Variants in KATNIP observed in about 807,000 individuals in gnomAD.
The protein encoded by KATNIP is katanin interacting protein, also known as katanin-interacting protein.
KATNIP carries 126 observed loss-of-function variants against 174.0 expected under a neutral mutation model. That is an observed-to-expected ratio of 0.72 (90% CI 0.63 to 0.84). The LOEUF is 0.84. KATNIP is among the 40% of genes least tolerant of loss of function. The pLI is 0.00. For missense variants in KATNIP, 1,958 were observed against 2,109.7 expected (o/e 0.93, Z 1.41); for synonymous variants, 810 against 835.7 (o/e 0.97, Z 0.53).
intron 13 of KATNIP, among the ~76,000 whole-genome samples, chr16:27,712,196 C>T (rs1346815337): frequency 6.6e-6 from 1 of 152,184 alleles, no homozygotes; most frequent in Non-Finnish European, 1.5e-5. Flanking sequence ...TATTTTTTGG[C>T]CCTGCGATTG....
chr16:27,677,751 T>G lies in KATNIP; in HGVS notation c.563T>G (p.Leu188Arg), dbSNP rs773716664. 3.1e-6 allele frequency: 5 copies of G among 1,609,330 alleles called. No homozygotes were observed. The South Asian group carries it at 4.4e-5, about 14-fold the overall frequency. The change falls in exon 7 of 28, where the codon CTT becomes CGT. Residue 188 changes from leucine to arginine, a missense_variant. By Grantham distance (102) the Leu-to-Arg change is moderately radical. Coordinates refer to ENST00000261588, the MANE Select transcript of KATNIP (RefSeq NM_015202.5). ...CAGGAGCTGAGAAGAAGCCTGGAAC[T>G]TAGTGTAAATCTACAAAGGAAACAA... The part of the protein sequence containing the change: ...RPQELRRSLE[L>R]SVNLQRKQKD...
chr16:27,576,637 AAAAC>A (rs953627348), intron 2 of KATNIP, among the ~76,000 whole-genome samples: 54 of 151,980 alleles, frequency 3.6e-4, no homozygotes, highest in Admixed American at 2.1e-3. Flanking sequence ...TAAAAACAAA[AAAAC>A]AAACAAAACA....
At chr16:27,571,051 GAGAC>G (rs2090272885) in intron 1 of KATNIP, among the ~76,000 whole-genome samples, 1 of 152,100 alleles carries the variant, frequency 6.6e-6, no homozygotes, top group African/African-American at 2.4e-5. Context: ...TGTTTGTTTT[GAGAC>G]AGAGTCTCAC....
At chr16:27,602,113 A>G (rs1019301428) in intron 2 of KATNIP, among the ~76,000 whole-genome samples, 1 of 152,146 alleles carries the variant, frequency 6.6e-6, no homozygotes, top group Non-Finnish European at 1.5e-5. Flanking sequence ...CTTCTCAATT[A>G]TTAGAGGCTG....
chr16:27,661,023 G>A (rs1263075923), intron 6 of KATNIP, among the ~76,000 whole-genome samples: 2 of 152,132 alleles, frequency 1.3e-5, no homozygotes, highest in Non-Finnish European at 2.9e-5. Flanking sequence ...TGTTGATTAG[G>A]CACCCTGACC....
At chr16:27,572,534 T>A (rs1214240968) in intron 1 of KATNIP, among the ~76,000 whole-genome samples, 1 of 152,134 alleles carries the variant, frequency 6.6e-6, no homozygotes, top group East Asian at 1.9e-4. Flanking sequence ...GAGATAGCCC[T>A]GCCCTGTGTC....
intron 13 of KATNIP, among the ~76,000 whole-genome samples, 195 bp from the exon 14 acceptor site, chr16:27,721,363 C>T (rs1407939204): frequency 6.6e-6 from 1 of 152,124 alleles, no homozygotes; most frequent in Non-Finnish European, 1.5e-5. Context: ...GGGTCAGTAG[C>T]CTGCTGTGAA....
At chr16:27,757,153 C>G (rs150062243) in intron 18 of KATNIP, among the ~76,000 whole-genome samples, 1 of 152,292 alleles carries the variant, frequency 6.6e-6, no homozygotes, top group East Asian at 1.9e-4. Context: ...AGTGCAAACA[C>G]AGCTCACTGC....
At chr16:27,662,626 T>A (rs1261993379) in intron 6 of KATNIP, among the ~76,000 whole-genome samples, 11 of 152,180 alleles carry the variant, frequency 7.2e-5, no homozygotes, top group African/African-American at 2.4e-4. Context: ...GATGTAGTGA[T>A]CCCATCCCTC....
chr16:27,740,661 C>A lies in KATNIP; in HGVS notation c.2364C>A (p.Leu788=). ...PEKPLAWKGR[L]PSDDVIGEGP... is the part of the protein sequence containing the mutation. ...AGCCCCTGGCCTGGAAGGGCAGGCTCCCATCAGACGATGTCATCGGTGAGG... is the reference window on the plus strand; with the variant it reads ...AGCCCCTGGCCTGGAAGGGCAGGCTACCATCAGACGATGTCATCGGTGAGG... The change falls in exon 15 of 28, where the codon CTC becomes CTA. Residue 788 remains leucine, a synonymous_variant. Coordinates refer to ENST00000261588, the MANE Select transcript of KATNIP (RefSeq NM_015202.5). 2 of 1,614,142 alleles carry A rather than the reference C, an allele frequency of 1.2e-6. No individual in the cohort carries two copies. Among genetic ancestry groups the A allele is most frequent in the Non-Finnish European group, 1.7e-6 (2 of 1,180,028 alleles).
chr16:27,721,638 G>A lies in KATNIP; in HGVS notation c.1686G>A (p.Gln562=), dbSNP rs2080247740. 1 of 1,614,060 alleles carries A rather than the reference G, an allele frequency of 6.2e-7. No individual in the cohort carries two copies. Among genetic ancestry groups the A allele is most frequent in the African/African-American group, 1.3e-5 (1 of 74,920 alleles). The change falls in exon 14 of 28, where the codon CAG becomes CAA. Residue 562 remains glutamine (Q), a synonymous_variant. Transcript: ENST00000261588. ...TTTTTGTTATTCGAAACACAAGACA[G>A]CTGGGGGACTTCCATCTGGCCAAGA... ...QLFFVIRNTR[Q]LGDFHLAKIK...
chr16:27,766,539 TG>T, intron 20 of KATNIP, 65 bp downstream of exon 20: 2 of 1,518,724 alleles, frequency 1.3e-6, no homozygotes, highest in East Asian at 4.6e-5. Flanking sequence ...GATGAATGGC[TG>T]GCGTGGCAGC....
intron 2 of KATNIP, among the ~76,000 whole-genome samples, chr16:27,599,394 G>T (rs2075441866): frequency 6.6e-6 from 1 of 152,176 alleles, no homozygotes; most frequent in Non-Finnish European, 1.5e-5. Flanking sequence ...ATTGAGATGG[G>T]GGTGGGGAAG....
intron 16 of KATNIP, among the ~76,000 whole-genome samples, chr16:27,751,378 C>A (rs2081510324): frequency 6.6e-6 from 1 of 152,170 alleles, no homozygotes; most frequent in South Asian, 2.1e-4. Flanking sequence ...CTCCCACACC[C>A]TTCCAGGCAA....
intron 5 of KATNIP, among the ~76,000 whole-genome samples, chr16:27,635,936 C>T (rs565179012): frequency 6.6e-6 from 1 of 152,222 alleles, no homozygotes; most frequent in African/African-American, 2.4e-5. Context: ...GGAGGATCAC[C>T]TGAGCTCAGG....
rs200374540 is a variant in KATNIP at position 27,550,160 on chromosome 16, C to A, written c.-11C>A. ...TTCCGGTTCGAGCTCCCGGAACCGC[C>A]GCCTCTAGGGATGGACGGTGAGTGT... On this transcript the variant is annotated 5_prime_UTR_variant, in exon 1 of 28. Coordinates refer to ENST00000261588, the MANE Select transcript of KATNIP (RefSeq NM_015202.5). The A allele has an allele frequency of 1.2e-6, 2 of 1,612,606 alleles. No individual in the cohort carries two copies. Among genetic ancestry groups the A allele is most frequent in the Non-Finnish European group, 1.7e-6 (2 of 1,178,958 alleles).
intron 13 of KATNIP, among the ~76,000 whole-genome samples, chr16:27,709,306 G>A (rs970794674): frequency 2.3e-4 from 33 of 145,350 alleles, no homozygotes; most frequent in Non-Finnish European, 1.8e-4. Flanking sequence ...GAGCAACAGA[G>A]TAAGACCCTG....
intron 1 of KATNIP, among the ~76,000 whole-genome samples, chr16:27,552,078 A>C (rs142820767): frequency 2.0e-5 from 3 of 152,326 alleles, no homozygotes; most frequent in African/African-American, 7.2e-5. Flanking sequence ...TTCTGAACAT[A>C]AATAATATTT....
chr16:27,684,272 G>T (rs1286274668), intron 8 of KATNIP, among the ~76,000 whole-genome samples: 4 of 152,146 alleles, frequency 2.6e-5, no homozygotes, highest in African/African-American at 9.7e-5. Flanking sequence ...AGATCACACA[G>T]CCTGTAAGTG....
Sources: gnomAD v4.1 joint callset for allele counts (sites outside exome capture counted in the v4.1 genomes callset) on GRCh38, gnomAD v4.1.1 for gene constraint, MANE v1.5 for transcripts, NCBI Gene and HGNC (gene_info 2026-07-23, HGNC 2026-07-21) for gene names.